The following CEP112 variants were observed in gnomAD, a reference collection of about 807,000 sequenced individuals.
CEP112 encodes centrosomal protein of 112 kDa.
Under a neutral mutation model 153.0 loss-of-function variants are expected in CEP112, and 127 were observed. The observed-to-expected ratio is 0.83, with a 90% CI of 0.72 to 0.96. The LOEUF is 0.96. Among genes scored for constraint, CEP112 ranks in the 40% least tolerant of loss-of-function variants. The pLI is 0.00. For synonymous variants in CEP112, 358 were observed against 374.4 expected (o/e 0.96, Z 0.51); for missense variants, 1,089 against 1,101.2 (o/e 0.99, Z 0.16).
intron 21 of CEP112, among the ~76,000 whole-genome samples, chr17:65,807,586 A>G: frequency 6.6e-6 from 1 of 152,210 alleles, no homozygotes; most frequent in East Asian, 1.9e-4. Context: ...TGCTCTGTGC[A>G]GCCTGGGGAC....
intron 22 of CEP112, among the ~76,000 whole-genome samples, chr17:65,748,195 AC>A (rs2051591634): frequency 6.6e-6 from 1 of 152,256 alleles, no homozygotes; most frequent in Non-Finnish European, 1.5e-5. Context: ...AAGTTGGCAA[AC>A]AAAATATTAT....
intron 12 of CEP112, among the ~76,000 whole-genome samples, chr17:66,049,838 G>A (rs2066365624): frequency 6.6e-6 from 1 of 152,128 alleles, no homozygotes; most frequent in African/African-American, 2.4e-5. Context: ...CTAAGCAGGA[G>A]TAACTCTACC....
At chr17:65,676,117 A>G (rs772566163) in intron 24 of CEP112, among the ~76,000 whole-genome samples, 6 of 152,178 alleles carry the variant, frequency 3.9e-5, no homozygotes, top group Non-Finnish European at 8.8e-5. Flanking sequence ...TGGGCAGATC[A>G]CTTGAGGTCA....
chr17:65,672,739 C>T (rs916756012), intron 24 of CEP112, among the ~76,000 whole-genome samples: 2 of 152,048 alleles, frequency 1.3e-5, no homozygotes, highest in Non-Finnish European at 2.9e-5. Flanking sequence ...CTTAAGTACC[C>T]TAATAGATGG....
intron 6 of CEP112, among the ~76,000 whole-genome samples, chr17:66,102,495 C>A (rs1393413705): frequency 6.6e-6 from 1 of 151,914 alleles, no homozygotes; most frequent in Non-Finnish European, 1.5e-5. Flanking sequence ...ATAATCCTCT[C>A]AAAAGATAAA....
Position 65,937,415 on chromosome 17 carries a change from G to A in CEP112, c.1873-9726C>T, listed in dbSNP as rs1158726900. Among the ~76,000 whole-genome samples, 7 of 109,294 alleles carry A rather than the reference G, an allele frequency of 6.4e-5. 1 individual carries two copies. Among genetic ancestry groups the A allele is most frequent in the African/African-American group, 1.6e-4 (5 of 30,902 alleles). 71.7% of individuals were successfully genotyped at this position (109,294 alleles called of 152,430 possible). ...GCCCATCGTCTGAGATGTGGGGAGC[G>A]CCTCTGCCCCACCGCCCCGTCTGGG... is the stretch of plus-strand genomic sequence containing the variant. On this transcript the variant is annotated intron_variant, in intron 18 of 26. Transcript: ENST00000535342.
chr17:66,068,297 G>A lies in CEP112; in HGVS notation c.856-1420C>T, dbSNP rs140732495. ...CTTAACAAGAACAACAGAAAAGAACGGGGCACAGTAGCACATGCATATAGT... is the reference window on the plus strand; with the variant it reads ...CTTAACAAGAACAACAGAAAAGAACAGGGCACAGTAGCACATGCATATAGT... On this transcript the variant is annotated intron_variant, in intron 9 of 26. Coordinates refer to ENST00000535342, the MANE Select transcript of CEP112 (RefSeq NM_001199165.4). 7.4e-4 allele frequency among the ~76,000 whole-genome samples: 112 copies of A among 152,108 alleles called. No homozygotes were observed. The East Asian group carries it at 0.018, about 25-fold the overall frequency.
chr17:65,853,282 T>C (rs769118168), intron 20 of CEP112, among the ~76,000 whole-genome samples: 1 of 152,076 alleles, frequency 6.6e-6, no homozygotes, highest in Non-Finnish European at 1.5e-5. Flanking sequence ...TGTAAATGCA[T>C]CATTCCAATC....
At chr17:65,913,392 T>A (rs1054244821) in intron 19 of CEP112, 1 of 580,154 alleles carries the variant, frequency 1.7e-6, no homozygotes, top group Non-Finnish European at 2.2e-6. Context: ...CTTCTCTGAG[T>A]CCTTGGAGTC....
chr17:65,797,985 G>T (rs2055040433), intron 21 of CEP112, among the ~76,000 whole-genome samples: 2 of 152,162 alleles, frequency 1.3e-5, no homozygotes, highest in African/African-American at 4.8e-5. Context: ...GTGGAAACTG[G>T]TGGGAGATGC....
intron 2 of CEP112, among the ~76,000 whole-genome samples, 154 bp from the exon 3 acceptor site, chr17:66,177,174 G>T (rs1013288513): frequency 6.6e-6 from 1 of 152,152 alleles, no homozygotes; most frequent in African/African-American, 2.4e-5. Flanking sequence ...GGCTTCACAG[G>T]CCATATGATC....
At chr17:65,660,762 C>T (rs1290635090) in intron 24 of CEP112, among the ~76,000 whole-genome samples, 1 of 151,834 alleles carries the variant, frequency 6.6e-6, no homozygotes, top group Non-Finnish European at 1.5e-5. Flanking sequence ...TTGCCCAGCC[C>T]AGGCTGGGCA....
At chr17:65,650,822 C>T (rs569223724) in intron 24 of CEP112, among the ~76,000 whole-genome samples, 10 of 150,948 alleles carry the variant, frequency 6.6e-5, no homozygotes, top group African/African-American at 9.7e-5. Context: ...GCAGGAGAAT[C>T]GCTTGAACCC....
At chr17:65,658,353 C>T (rs1245662465) in intron 24 of CEP112, among the ~76,000 whole-genome samples, 1 of 152,200 alleles carries the variant, frequency 6.6e-6, no homozygotes, top group African/African-American at 2.4e-5. Context: ...AAGTGAGGAA[C>T]TCCTAGTCTG....
chr17:66,067,907 C>A (rs1304642570), intron 9 of CEP112, among the ~76,000 whole-genome samples: 1 of 152,028 alleles, frequency 6.6e-6, no homozygotes, highest in Non-Finnish European at 1.5e-5. Flanking sequence ...CCTGGATCCG[C>A]CCACAAGCAC....
intron 6 of CEP112, among the ~76,000 whole-genome samples, chr17:66,116,863 CTTTTTTTTTTT>C (rs35885142): frequency 8.4e-6 from 1 of 119,204 alleles, no homozygotes; most frequent in Non-Finnish European, 1.7e-5. Context: ...CTCCAATCTC[CTTTTTTTTTTT>C]TTTTTTTTTC....
intron 4 of CEP112, among the ~76,000 whole-genome samples, chr17:66,172,676 A>G (rs1018853990): frequency 1.3e-5 from 2 of 151,942 alleles, no homozygotes; most frequent in African/African-American, 4.8e-5. Flanking sequence ...ATTCACCCGG[A>G]CTCCCTGGAA....
intron 18 of CEP112, among the ~76,000 whole-genome samples, chr17:65,936,218 C>T (rs1025629381): frequency 6.6e-6 from 1 of 152,136 alleles, no homozygotes; most frequent in African/African-American, 2.4e-5. Context: ...AACAGACCAG[C>T]AATGACTAAG....
At chr17:65,990,773 G>C (rs1057422823) in intron 17 of CEP112, among the ~76,000 whole-genome samples, 4 of 152,212 alleles carry the variant, frequency 2.6e-5, no homozygotes, top group Non-Finnish European at 5.9e-5. Context: ...GGACTAGAGG[G>C]GCACACAACC....
Sources: allele counts gnomAD v4.1 joint callset (sites outside exome capture counted in the v4.1 genomes callset), GRCh38; gene constraint gnomAD v4.1.1; transcripts MANE v1.5; gene names NCBI Gene and HGNC (gene_info 2026-07-23, HGNC 2026-07-21).